The following ANKH variants were observed in gnomAD, a reference collection of about 807,000 sequenced individuals.
The protein encoded by ANKH is ANKH inorganic pyrophosphate transport regulator.
Under a neutral mutation model 49.0 loss-of-function variants are expected in ANKH, and 15 were observed. The observed-to-expected ratio is 0.31, with a 90% CI of 0.20 to 0.47. The LOEUF is 0.47. ANKH is among the 20% of genes least tolerant of loss of function. The pLI, the probability that ANKH is intolerant of heterozygous loss-of-function variation, is 1.00. For synonymous variants in ANKH, 273 were observed against 260.0 expected, an observed-to-expected ratio of 1.05 and a Z score of -0.48; for missense variants, 429 against 652.0, an observed-to-expected ratio of 0.66 and a Z score of 3.72.
At chr5:14,766,604 G>C (rs574702179) in intron 2 of ANKH, among the ~76,000 whole-genome samples, 1 of 152,320 alleles carries the variant, frequency 6.6e-6, no homozygotes, top group South Asian at 2.1e-4. Flanking sequence ...TCATTAAGGT[G>C]ATGGGAAACT....
intron 8 of ANKH, among the ~76,000 whole-genome samples, chr5:14,726,244 G>A (rs953335617): frequency 2.6e-5 from 4 of 152,182 alleles, no homozygotes; most frequent in Admixed American, 1.3e-4. Flanking sequence ...GAGAGCTGAC[G>A]CAGCCATAAG....
At chr5:14,797,282 G>A in intron 1 of ANKH, 17 of 1,479,758 alleles carry the variant, frequency 1.1e-5, no homozygotes, top group South Asian at 1.1e-4. Flanking sequence ...TCTTGGCAGT[G>A]TGACCACCAT....
chr5:14,823,033 CAAA>C (rs745381610), intron 1 of ANKH, among the ~76,000 whole-genome samples: 2 of 116,494 alleles, frequency 1.7e-5, no homozygotes. Context: ...GACTCCGTCT[CAAA>C]AAAAAAAAAA....
intron 1 of ANKH, chr5:14,869,830 A>C (rs1735763671): frequency 1.3e-5 from 2 of 152,396 alleles, no homozygotes; most frequent in South Asian, 4.1e-4. Flanking sequence ...ACACCAGTTC[A>C]GATGAGCAGC....
At chr5:14,731,487 C>T (rs1369861034) in intron 8 of ANKH, among the ~76,000 whole-genome samples, 4 of 152,160 alleles carry the variant, frequency 2.6e-5, no homozygotes, top group African/African-American at 9.7e-5. Context: ...CCCCAGCTCT[C>T]TCTCTGCCTT....
chr5:14,748,417 G>C (rs1018649734), intron 6 of ANKH, among the ~76,000 whole-genome samples: 49 of 152,344 alleles, frequency 3.2e-4, no homozygotes, highest in African/African-American at 1.2e-3. Context: ...CCTGGACAGG[G>C]GGCCCTCGTG....
At chr5:14,716,556 T>C (rs534568308) in intron 9 of ANKH, 150 bp downstream of exon 9, 2 of 919,362 alleles carry the variant, frequency 2.2e-6, no homozygotes, top group East Asian at 5.6e-5. Flanking sequence ...TCTTGAACTT[T>C]TAACCTACTG....
Position 14,721,901 on chromosome 5 carries a change from G to A in ANKH, c.1012-5066C>T, listed in dbSNP as rs559352671. ...GCTGAGATCATGCCACTGCACTCCAGCCTGGGCGACAGAGCGAGACTCCGT... is the reference window on the plus strand; with the variant it reads ...GCTGAGATCATGCCACTGCACTCCAACCTGGGCGACAGAGCGAGACTCCGT... On this transcript the variant is annotated intron_variant, in intron 8 of 11. Transcript: ENST00000284268. Among the ~76,000 whole-genome samples the A allele has an allele frequency of 3.0e-3, 363 of 120,754 alleles. 5 individuals carry two copies. Among genetic ancestry groups the A allele is most frequent in the Non-Finnish European group, 5.3e-4 (33 of 62,668 alleles). 79.2% of individuals were successfully genotyped at this position (120,754 alleles called of 152,430 possible).
At chr5:14,867,942 C>A (rs1384337184) in intron 1 of ANKH, among the ~76,000 whole-genome samples, 1 of 151,996 alleles carries the variant, frequency 6.6e-6, no homozygotes, top group Non-Finnish European at 1.5e-5. Context: ...ACTGCCACTA[C>A]CAAAATTGAA....
rs138601248 is a variant in ANKH at position 14,776,433 on chromosome 5, C to G, written c.97-7242G>C. On this transcript the variant is annotated intron_variant, in intron 1 of 11. Transcript: ENST00000284268. ...TAGAATTTAAAGCTAGGGGACTGAA[C>G]AAGATCATCTAGAAAGAACAGAGAT... Among the ~76,000 whole-genome samples the G allele has an allele frequency of 2.6e-3, 393 of 152,228 alleles. 3 individuals are homozygous for G. The highest frequency in any genetic ancestry group is 0.017 in the South Asian group (83 of 4,828).
At chr5:14,830,510 A>AGTGTGTGTGTGTGT (rs35379260) in intron 1 of ANKH, among the ~76,000 whole-genome samples, 13 of 147,390 alleles carry the variant, frequency 8.8e-5, no homozygotes, top group African/African-American at 3.2e-4. Context: ...AGGTAGGGGG[A>AGTGTGTGTGTGTGT]GTGTGTGTGT....
At chr5:14,743,265 A>G (rs542249647) in intron 7 of ANKH, among the ~76,000 whole-genome samples, 113 of 152,344 alleles carry the variant, frequency 7.4e-4, no homozygotes, top group Non-Finnish European at 1.3e-3. Context: ...ATTCTGTAAG[A>G]GCACTGCCCT....
intron 8 of ANKH, among the ~76,000 whole-genome samples, chr5:14,721,867 T>C (rs993971960): frequency 3.0e-4 from 43 of 144,180 alleles, no homozygotes; most frequent in Non-Finnish European, 4.9e-4. Flanking sequence ...GAGGCGGAGC[T>C]TGCAGTGAGC....
chr5:14,840,281 G>A (rs955368680), intron 1 of ANKH, among the ~76,000 whole-genome samples: 1 of 152,086 alleles, frequency 6.6e-6, no homozygotes. Flanking sequence ...TCCTCTTTCT[G>A]TATTCAAGAT....
chr5:14,796,586 G>A (rs1740397378), intron 1 of ANKH, among the ~76,000 whole-genome samples: 1 of 151,934 alleles, frequency 6.6e-6, no homozygotes, highest in Non-Finnish European at 1.5e-5. Flanking sequence ...AGAGGAACGT[G>A]CTGTTTTGAC....
At chr5:14,741,245 G>GATGTGT (rs1164195885) in intron 8 of ANKH, 7 of 155,878 alleles carry the variant, frequency 4.5e-5, no homozygotes, top group African/African-American at 1.7e-4. Flanking sequence ...CATAACGAAG[G>GATGTGT]ATGCGTGTTG....
At chr5:14,816,709 G>A (rs762148675) in intron 1 of ANKH, among the ~76,000 whole-genome samples, 4 of 152,162 alleles carry the variant, frequency 2.6e-5, no homozygotes, top group Non-Finnish European at 5.9e-5. Flanking sequence ...TTCTTCAGTA[G>A]AGTCTCTGTA....
chr5:14,858,715 CAATA>C (rs141592621), intron 1 of ANKH, among the ~76,000 whole-genome samples: 40,059 of 139,198 alleles, frequency 0.29, 5,849 homozygotes, highest in South Asian at 0.32. Flanking sequence ...GAATCCATCT[CAATA>C]AATAAATAAA....
chr5:14,790,041 G>C (rs258231), intron 1 of ANKH, among the ~76,000 whole-genome samples: 115,720 of 152,144 alleles, frequency 0.76, 44,138 homozygotes, highest in South Asian at 0.86. Flanking sequence ...ATTAATAGCT[G>C]TGACAATACA....
Sources: gnomAD v4.1 joint callset for allele counts (sites outside exome capture counted in the v4.1 genomes callset) on GRCh38, gnomAD v4.1.1 for gene constraint, MANE v1.5 for transcripts, NCBI Gene and HGNC (gene_info 2026-07-23, HGNC 2026-07-21) for gene names.